PTPN12: variants seen among roughly 807,000 people sequenced by gnomAD.
PTPN12 encodes the protein tyrosine-protein phosphatase non-receptor type 12.
In PTPN12, 29 loss-of-function variants were observed where a neutral mutation model predicts 97.6. That is an observed-to-expected ratio of 0.30 (90% CI 0.22 to 0.41). The LOEUF (loss-of-function observed/expected upper bound fraction) is 0.41. PTPN12 is among the 10% of genes least tolerant of loss of function. The pLI is 1.00. For synonymous variants in PTPN12, 327 were observed against 300.4 expected, an observed-to-expected ratio of 1.09 and a Z score of -0.91; for missense variants, 819 against 926.0, an observed-to-expected ratio of 0.88 and a Z score of 1.50.
At chr7:77,583,080 T>C (rs753255635) in intron 3 of PTPN12, among the ~76,000 whole-genome samples, 13 of 152,214 alleles carry the variant, frequency 8.5e-5, no homozygotes, top group Non-Finnish European at 1.8e-4. Context: ...TTGGTTTATA[T>C]TCTCATGTTC....
chr7:77,610,535 T>G (rs1230190235), intron 9 of PTPN12, among the ~76,000 whole-genome samples: 1 of 152,154 alleles, frequency 6.6e-6, no homozygotes, highest in African/African-American at 2.4e-5. Flanking sequence ...CCCTGTATAC[T>G]GCAGTCATAC....
At chr7:77,568,267 A>C (rs1808337931) in intron 1 of PTPN12, among the ~76,000 whole-genome samples, 1 of 152,220 alleles carries the variant, frequency 6.6e-6, no homozygotes, top group South Asian at 2.1e-4. Flanking sequence ...CATTATGAGA[A>C]ATGTAGTCAT....
At chr7:77,594,489 T>C (rs1787964523) in intron 6 of PTPN12, among the ~76,000 whole-genome samples, 1 of 152,134 alleles carries the variant, frequency 6.6e-6, no homozygotes, top group Admixed American at 6.6e-5. Context: ...TTTGGACATT[T>C]GTAAATTTAT....
chr7:77,628,100 A>G (rs1181116866), intron 13 of PTPN12, among the ~76,000 whole-genome samples: 2 of 152,148 alleles, frequency 1.3e-5, no homozygotes, highest in East Asian at 3.8e-4. Flanking sequence ...GTCATTTTTT[A>G]CTGTTCCTTT....
At chr7:77,558,045 T>C (rs1323961660) in intron 1 of PTPN12, among the ~76,000 whole-genome samples, 1 of 151,744 alleles carries the variant, frequency 6.6e-6, no homozygotes, top group Admixed American at 6.6e-5. Context: ...ACCCCATCTC[T>C]ACTAAAAATA....
At chr7:77,539,539 T>A (rs183236365) in intron 1 of PTPN12, among the ~76,000 whole-genome samples, 5 of 152,338 alleles carry the variant, frequency 3.3e-5, no homozygotes, top group Admixed American at 6.5e-5. Context: ...TTTACTACTT[T>A]CTAGCAAAAG....
At chr7:77,548,340 T>A (rs891620903) in intron 1 of PTPN12, among the ~76,000 whole-genome samples, 2 of 152,206 alleles carry the variant, frequency 1.3e-5, no homozygotes, top group Non-Finnish European at 2.9e-5. Flanking sequence ...GAGACTGCAT[T>A]TGTGACCAGA....
intron 2 of PTPN12, among the ~76,000 whole-genome samples, chr7:77,579,847 A>T (rs943856597): frequency 1.3e-5 from 2 of 152,250 alleles, no homozygotes; most frequent in Non-Finnish European, 2.9e-5. Context: ...AGATTAAAAC[A>T]TACAATCCTT....
At chr7:77,576,295 G>T (rs1330513076) in intron 2 of PTPN12, among the ~76,000 whole-genome samples, 3 of 152,184 alleles carry the variant, frequency 2.0e-5, no homozygotes. Flanking sequence ...ACAACTCTCT[G>T]TGTGGACCTA....
chr7:77,554,725 G>A (rs1190296689), intron 1 of PTPN12, among the ~76,000 whole-genome samples: 4 of 152,162 alleles, frequency 2.6e-5, no homozygotes, highest in African/African-American at 9.7e-5. Flanking sequence ...TGTCATCCAG[G>A]CTATAATGCG....
intron 12 of PTPN12, among the ~76,000 whole-genome samples, chr7:77,619,228 A>G (rs1230565779): frequency 6.6e-6 from 1 of 152,214 alleles, no homozygotes; most frequent in Non-Finnish European, 1.5e-5. Flanking sequence ...AGAATATTTT[A>G]TAGTGTCTTT....
At chr7:77,542,362 C>T (rs1399707803) in intron 1 of PTPN12, among the ~76,000 whole-genome samples, 1 of 152,108 alleles carries the variant, frequency 6.6e-6, no homozygotes, top group Admixed American at 6.5e-5. Flanking sequence ...TAGATAGGTT[C>T]TGGTAGAAAA....
At chr7:77,555,522 T>C (rs1486250754) in intron 1 of PTPN12, among the ~76,000 whole-genome samples, 1 of 152,180 alleles carries the variant, frequency 6.6e-6, no homozygotes, top group Non-Finnish European at 1.5e-5. Flanking sequence ...TATTGAGATA[T>C]CCTCAAGTTG....
chr7:77,591,776 ATT>A (rs556370606), intron 5 of PTPN12, among the ~76,000 whole-genome samples: 3 of 152,368 alleles, frequency 2.0e-5, no homozygotes, highest in African/African-American at 7.2e-5. Context: ...CATATTTTAC[ATT>A]TAATGAGAAT....
chr7:77,615,178 TTAAG>T (rs1788707711), intron 11 of PTPN12, among the ~76,000 whole-genome samples: 1 of 152,324 alleles, frequency 6.6e-6, no homozygotes, highest in Non-Finnish European at 1.5e-5. Context: ...TCTAGAATGA[TTAAG>T]TAATAGCAAT....
chr7:77,570,922 G>A (rs1489186322), intron 1 of PTPN12, among the ~76,000 whole-genome samples, 156 bp from the exon 2 acceptor site: 1 of 152,154 alleles, frequency 6.6e-6, no homozygotes, highest in African/African-American at 2.4e-5. Context: ...TGCTATAAAA[G>A]AAATTATCCT....
intron 2 of PTPN12, among the ~76,000 whole-genome samples, chr7:77,573,167 T>C (rs1436504899): frequency 6.7e-6 from 1 of 150,360 alleles, no homozygotes; most frequent in Non-Finnish European, 1.5e-5. Flanking sequence ...AAATAACCAG[T>C]ATACCTAGCA....
intron 1 of PTPN12, among the ~76,000 whole-genome samples, chr7:77,566,521 A>T (rs576811283): frequency 6.6e-6 from 1 of 152,298 alleles, no homozygotes; most frequent in South Asian, 2.1e-4. Context: ...CAGGAGTTCG[A>T]GACCAGCCTG....
Position 77,582,084 on chromosome 7 carries a change from C to CTTTTTTTTTTTT in PTPN12, c.285+598_285+609dup, listed in dbSNP as rs11341609. Among the ~76,000 whole-genome samples the CTTTTTTTTTTTT allele has an allele frequency of 4.9e-3, 258 of 52,872 alleles. 46 individuals carry two copies. The highest frequency in any genetic ancestry group is 5.7e-3 in the Non-Finnish European group (173 of 30,316). The allele number at this position is 52,872 out of a possible 152,430, so 34.7% of individuals were successfully genotyped here. ...CCCTTTGATGAAAAGCAGTCAAGTTCTTTTTTTTTTTTTTTTTTTTTTTTT... is the reference window on the plus strand; with the variant it reads ...CCCTTTGATGAAAAGCAGTCAAGTTCTTTTTTTTTTTTTTTTTTTTTTTTTTTTTTTTTTTTT... On this transcript the variant is annotated intron_variant, in intron 3 of 17. Coordinates refer to ENST00000248594, the MANE Select transcript of PTPN12 (RefSeq NM_002835.4).
Sources: gnomAD v4.1 joint callset for allele counts (sites outside exome capture counted in the v4.1 genomes callset) on GRCh38, gnomAD v4.1.1 for gene constraint, MANE v1.5 for transcripts, NCBI Gene and HGNC (gene_info 2026-07-23, HGNC 2026-07-21) for gene names.